Variants in GLDC observed in about 807,000 individuals in gnomAD.
GLDC encodes glycine dehydrogenase (decarboxylating), mitochondrial.
GLDC carries 104 observed loss-of-function variants against 121.3 expected under a neutral mutation model. The ratio of observed to expected loss-of-function variants is 0.86; its 90% confidence interval spans 0.73 to 1.01. The LOEUF (loss-of-function observed/expected upper bound fraction) is 1.01. Ranked by LOEUF, GLDC falls within the 50% of genes least tolerant of loss-of-function variation. The probability of loss-of-function intolerance (pLI) is 0.00; values close to 1 mark genes in which losing one functional copy is unlikely to be tolerated. For synonymous variants in GLDC, 546 were observed against 480.6 expected (o/e 1.14, Z -1.78); for missense variants, 1,429 against 1,306.6 (o/e 1.09, Z -1.44).
chr9:6,641,265 T>G (rs1819624143), intron 2 of GLDC, among the ~76,000 whole-genome samples: 1 of 152,234 alleles, frequency 6.6e-6, no homozygotes, highest in African/African-American at 2.4e-5. Context: ...CATTCTTCAG[T>G]ATTGCACTTC....
chr9:6,634,210 G>C (rs920766708), intron 2 of GLDC, among the ~76,000 whole-genome samples: 3 of 151,914 alleles, frequency 2.0e-5, no homozygotes, highest in Admixed American at 6.6e-5. Context: ...CTGGGCAACA[G>C]AGTAAGACTC....
chr9:6,586,854 G>C (rs1587945960), intron 15 of GLDC, among the ~76,000 whole-genome samples: 1 of 152,276 alleles, frequency 6.6e-6, no homozygotes, highest in East Asian at 1.9e-4. Flanking sequence ...CCCCGACATT[G>C]TGCTGTAAGG....
At chr9:6,586,899 C>A (rs1199585226) in intron 15 of GLDC, among the ~76,000 whole-genome samples, 1 of 152,118 alleles carries the variant, frequency 6.6e-6, no homozygotes, top group African/African-American at 2.4e-5. Context: ...AGGAAAGCCC[C>A]ATATGGAGAA....
At position 6,602,215 on chromosome 9, in the gene GLDC, G is replaced by A; in HGVS notation, c.1059-10C>T. ...TTTCCCAGTGGCATCTCTACACCAA[G>A]AATAAGGCATCCAGTTAGCACAGAT... is the stretch of plus-strand genomic sequence containing the variant. On this transcript the variant is annotated splice_polypyrimidine_tract_variant and intron_variant, in intron 7 of 24. Transcript: ENST00000321612. 6.6e-7 allele frequency: 1 copy of A among 1,516,914 alleles called. No individual in the cohort carries two copies. 94.0% of individuals were successfully genotyped at this position (1,516,914 alleles called of 1,614,324 possible). A position where few individuals can be genotyped will look rare whatever the true frequency, so the allele number is the denominator to read the frequency against.
Position 6,645,721 on chromosome 9 carries a change from G to A in GLDC, c.-222C>T, listed in dbSNP as rs750866784. 2 of 295,232 alleles carry A rather than the reference G, an allele frequency of 6.8e-6. No individual in the cohort carries two copies. The highest frequency in any genetic ancestry group is 2.2e-5 in the African/African-American group (1 of 44,956). 18.3% of individuals were successfully genotyped at this position (295,232 alleles called of 1,614,324 possible). A position where few individuals can be genotyped will look rare whatever the true frequency, so the allele number is the denominator to read the frequency against. ...TGGCTCCACCCAAGGCACCTGCTCCGCACACTTTAAGCGGCGCCCTGGAGG... is the reference window on the plus strand; with the variant it reads ...TGGCTCCACCCAAGGCACCTGCTCCACACACTTTAAGCGGCGCCCTGGAGG... On this transcript the variant is annotated 5_prime_UTR_variant, in exon 1 of 25. Coordinates refer to ENST00000321612, the MANE Select transcript of GLDC (RefSeq NM_000170.3).
chr9:6,537,101 G>T (rs1031282907), intron 22 of GLDC, among the ~76,000 whole-genome samples: 2 of 151,174 alleles, frequency 1.3e-5, no homozygotes, highest in Non-Finnish European at 2.9e-5. Flanking sequence ...CACACTCACG[G>T]CTCACTGCAG....
intron 21 of GLDC, chr9:6,540,858 A>G (rs907179469): frequency 6.6e-6 from 1 of 152,298 alleles, no homozygotes; most frequent in Non-Finnish European, 1.5e-5. Flanking sequence ...TGGGCACCCA[A>G]AAGTTTTGGA....
intron 3 of GLDC, among the ~76,000 whole-genome samples, chr9:6,613,303 C>G (rs995514614): frequency 6.6e-6 from 1 of 152,110 alleles, no homozygotes; most frequent in Non-Finnish European, 1.5e-5. Context: ...TTTTTCCAAT[C>G]TCTTTTCTAC....
intron 16 of GLDC, 70 bp from the exon 17 acceptor site, chr9:6,558,754 C>T (rs900928236): frequency 2.6e-6 from 4 of 1,529,740 alleles, no homozygotes; most frequent in Admixed American, 1.7e-5. Context: ...CAGAAAAGTA[C>T]TACAACATGC....
intron 2 of GLDC, among the ~76,000 whole-genome samples, chr9:6,633,124 C>T (rs906610848): frequency 6.6e-6 from 1 of 152,154 alleles, no homozygotes; most frequent in Non-Finnish European, 1.5e-5. Flanking sequence ...ACTCCTCCCA[C>T]CTCGGAGGAT....
intron 8 of GLDC, among the ~76,000 whole-genome samples, chr9:6,597,914 ATGGAGCGAGACTCGT>A (rs562112447): frequency 0.19 from 28,225 of 151,908 alleles, 3,381 homozygotes; most frequent in Non-Finnish European, 0.27. Flanking sequence ...AGCCTGGGCG[ATGGAGCGAGACTCGT>A]CTCCAAAAAA....
chr9:6,603,812 C>T (rs1188280577), intron 7 of GLDC, among the ~76,000 whole-genome samples: 2 of 151,544 alleles, frequency 1.3e-5, no homozygotes, highest in South Asian at 2.1e-4. Flanking sequence ...TCACTGCAAC[C>T]TCCACCTCCG....
At chr9:6,588,213 T>C (rs978714718) in intron 14 of GLDC, among the ~76,000 whole-genome samples, 188 bp downstream of exon 14, 1 of 152,144 alleles carries the variant, frequency 6.6e-6, no homozygotes, top group African/African-American at 2.4e-5. Flanking sequence ...ACCCATACAT[T>C]TAAATGATGA....
At chr9:6,591,247 T>C (rs1818369001) in intron 11 of GLDC, among the ~76,000 whole-genome samples, 1 of 152,332 alleles carries the variant, frequency 6.6e-6, no homozygotes, top group African/African-American at 2.4e-5. Context: ...TCTAGAACAC[T>C]CGGACCCATC....
At chr9:6,568,691 T>G (rs1012913459) in intron 15 of GLDC, among the ~76,000 whole-genome samples, 1 of 151,232 alleles carries the variant, frequency 6.6e-6, no homozygotes, top group Non-Finnish European at 1.5e-5. Flanking sequence ...CTACTAAACA[T>G]ACAAAAAATT....
chr9:6,553,345 C>T, intron 20 of GLDC, 23 bp downstream of exon 20: 1 of 1,612,838 alleles, frequency 6.2e-7, no homozygotes, highest in Non-Finnish European at 8.5e-7. Flanking sequence ...ACCTGCACAC[C>T]TGCACATACT....
chr9:6,616,791 A>G (rs1407089483), intron 3 of GLDC, among the ~76,000 whole-genome samples: 1 of 152,232 alleles, frequency 6.6e-6, no homozygotes, highest in African/African-American at 2.4e-5. Flanking sequence ...CATGGCATTA[A>G]TATTTAACCC....
Position 6,593,566 on chromosome 9 carries a change from C to T in GLDC, c.1262-576G>A, listed in dbSNP as rs556069402. Among the ~76,000 whole-genome samples, 7 of 151,348 alleles carry T rather than the reference C, an allele frequency of 4.6e-5. No homozygotes were observed. The South Asian group carries it at 6.3e-4, about 14-fold the overall frequency. Reference sequence around the variant, plus strand: ...ATTCTCCCACCTCAGCCTCCCAAAACGATGGGATTATAGGTGTGAACCACC... The same window carrying T: ...ATTCTCCCACCTCAGCCTCCCAAAATGATGGGATTATAGGTGTGAACCACC... On this transcript the variant is annotated intron_variant, in intron 9 of 24. Coordinates refer to ENST00000321612, the MANE Select transcript of GLDC (RefSeq NM_000170.3).
chr9:6,608,502 A>G (rs913499696), intron 4 of GLDC, among the ~76,000 whole-genome samples: 3 of 150,486 alleles, frequency 2.0e-5, no homozygotes, highest in African/African-American at 7.3e-5. Context: ...GCAATTTGGG[A>G]GGCCGAGGCG....
Sources: allele counts gnomAD v4.1 joint callset (sites outside exome capture counted in the v4.1 genomes callset), GRCh38; gene constraint gnomAD v4.1.1; transcripts MANE v1.5; gene names NCBI Gene and HGNC (gene_info 2026-07-23, HGNC 2026-07-21).